The following CNTN6 variants were observed in gnomAD, a reference collection of about 807,000 sequenced individuals.
The protein encoded by CNTN6 is contactin 6, also known as contactin-6.
In CNTN6, 137 loss-of-function variants were observed where a neutral mutation model predicts 122.8. That is an observed-to-expected ratio of 1.12 (90% CI 0.97 to 1.29). The LOEUF (loss-of-function observed/expected upper bound fraction) is 1.29. Among genes scored for constraint, CNTN6 ranks in the 50% most tolerant of loss-of-function variants. The pLI is 0.00. For synonymous variants in CNTN6, 570 were observed against 426.0 expected, an observed-to-expected ratio of 1.34 and a Z score of -4.16; for missense variants, 1,634 against 1,223.4, an observed-to-expected ratio of 1.34 and a Z score of -5.01.
chr3:1,378,613 A>T (rs995007392), intron 17 of CNTN6, among the ~76,000 whole-genome samples: 3 of 152,032 alleles, frequency 2.0e-5, no homozygotes, highest in Non-Finnish European at 4.4e-5. Flanking sequence ...AGAGGGGGAA[A>T]CCCTATTTTT....
At chr3:1,183,912 C>A (rs1445196365) in intron 2 of CNTN6, among the ~76,000 whole-genome samples, 3 of 152,162 alleles carry the variant, frequency 2.0e-5, no homozygotes, top group Non-Finnish European at 4.4e-5. Context: ...TGCTTTCAAA[C>A]TCATTTGGTT....
intron 2 of CNTN6, among the ~76,000 whole-genome samples, chr3:1,176,344 G>A (rs1396708813): frequency 6.6e-6 from 1 of 152,182 alleles, no homozygotes; most frequent in Non-Finnish European, 1.5e-5. Context: ...TTGAACCTGG[G>A]ATGCAGAAGT....
intron 20 of CNTN6, among the ~76,000 whole-genome samples, chr3:1,387,702 A>C (rs535654350): frequency 4.3e-4 from 65 of 152,256 alleles, no homozygotes; most frequent in Non-Finnish European, 7.9e-4. Flanking sequence ...TCAGTGGGTG[A>C]GCGCACCGTG....
intron 12 of CNTN6, among the ~76,000 whole-genome samples, chr3:1,358,228 A>G (rs553712699): frequency 1.1e-4 from 16 of 152,110 alleles, no homozygotes; most frequent in African/African-American, 3.9e-4. Flanking sequence ...ATGCATATAT[A>G]CATGTATGTA....
intron 15 of CNTN6, 48 bp downstream of exon 15, chr3:1,373,810 C>G (rs111967001): frequency 2.0e-6 from 3 of 1,509,334 alleles, no homozygotes; most frequent in Admixed American, 2.2e-5. Flanking sequence ...ATATTTTAGT[C>G]CAATAATTTT....
chr3:1,151,676 C>G (rs947815214), intron 2 of CNTN6, among the ~76,000 whole-genome samples: 1 of 152,194 alleles, frequency 6.6e-6, no homozygotes, highest in Non-Finnish European at 1.5e-5. Context: ...TCCATAGTCC[C>G]TGCCCTCTTC....
At chr3:1,343,138 A>G (rs968220313) in intron 11 of CNTN6, among the ~76,000 whole-genome samples, 3 of 152,162 alleles carry the variant, frequency 2.0e-5, no homozygotes, top group East Asian at 1.9e-4. Context: ...TCTTAGTAAC[A>G]TGATATCTTC....
chr3:1,126,219 A>G (rs1217280295), intron 1 of CNTN6, among the ~76,000 whole-genome samples: 1 of 152,046 alleles, frequency 6.6e-6, no homozygotes, highest in East Asian at 1.9e-4. Context: ...TGGAAAATGG[A>G]AAGGTATACC....
chr3:1,162,412 C>A (rs867211465), intron 2 of CNTN6, among the ~76,000 whole-genome samples: 24 of 151,840 alleles, frequency 1.6e-4, no homozygotes, highest in African/African-American at 3.1e-4. Flanking sequence ...GGAAAAAAAA[C>A]CCCTTCTTCT....
Position 1,372,907 on chromosome 3 carries a change from C to A in CNTN6, c.1738C>A (p.Gln580Lys). 1 of 1,609,314 alleles carries A rather than the reference C, an allele frequency of 6.2e-7. No individual in the cohort carries two copies. The highest frequency in any genetic ancestry group is 8.5e-7 in the Non-Finnish European group (1 of 1,177,108). ...HHSGKYLCTVQTTLESLSAVA... is the reference protein window; with the variant it reads ...HHSGKYLCTVKTTLESLSAVA... Reference sequence around the variant, plus strand: ...TTCAGGAAAATATCTCTGCACAGTACAAACAACCCTAGAAAGTTTATCTGC... The same window carrying A: ...TTCAGGAAAATATCTCTGCACAGTAAAAACAACCCTAGAAAGTTTATCTGC... Residue 580 changes from glutamine (Q) to lysine (K), a missense_variant, in exon 14 of 23, where the codon CAA becomes AAA. Coordinates refer to ENST00000446702, the MANE Select transcript of CNTN6 (RefSeq NM_001289080.2).
intron 2 of CNTN6, among the ~76,000 whole-genome samples, chr3:1,156,047 TCTAC>T (rs958714546): frequency 2.0e-5 from 3 of 152,232 alleles, no homozygotes; most frequent in African/African-American, 2.4e-5. Flanking sequence ...TTAATTCAAT[TCTAC>T]CTGTGTCATG....
At chr3:1,267,746 T>C (rs77474288) in intron 4 of CNTN6, among the ~76,000 whole-genome samples, 6,901 of 152,280 alleles carry the variant, frequency 0.045, 197 homozygotes, top group East Asian at 0.074. Context: ...GAAAGTGAGT[T>C]GTTTTTTGGC....
intron 2 of CNTN6, among the ~76,000 whole-genome samples, chr3:1,159,077 A>T (rs1264822677): frequency 6.6e-6 from 1 of 151,016 alleles, no homozygotes; most frequent in East Asian, 2.0e-4. Context: ...GAAACAGTTA[A>T]CCTTTAAAAT....
At chr3:1,267,161 G>T (rs559119451) in intron 4 of CNTN6, among the ~76,000 whole-genome samples, 6 of 152,018 alleles carry the variant, frequency 3.9e-5, no homozygotes, top group Middle Eastern at 3.4e-3. Flanking sequence ...ACTTCCCCCA[G>T]TGACAGGGCA....
intron 4 of CNTN6, among the ~76,000 whole-genome samples, chr3:1,248,525 G>A (rs748766894): frequency 4.6e-5 from 7 of 152,032 alleles, no homozygotes; most frequent in Non-Finnish European, 7.4e-5. Context: ...GTGAAGTAAT[G>A]TGCCCAAGGA....
chr3:1,377,219 AT>A, intron 17 of CNTN6, 144 bp downstream of exon 17: 1 of 533,522 alleles, frequency 1.9e-6, no homozygotes, highest in Non-Finnish European at 3.2e-6. Context: ...ATGATGAATT[AT>A]TTAGAGGAGG....
chr3:1,383,482 T>C, intron 19 of CNTN6, 74 bp downstream of exon 19: 1 of 1,062,930 alleles, frequency 9.4e-7, no homozygotes, highest in Non-Finnish European at 1.5e-6. Context: ...TCAACAGTCC[T>C]ATCCTACTAG....
At chr3:1,097,895 A>T (rs181798269) in intron 1 of CNTN6, among the ~76,000 whole-genome samples, 1 of 152,170 alleles carries the variant, frequency 6.6e-6, no homozygotes, top group East Asian at 1.9e-4. Flanking sequence ...TATAATTATC[A>T]TCTAATCAAT....
At chr3:1,141,959 T>A (rs2092617808) in intron 1 of CNTN6, among the ~76,000 whole-genome samples, 1 of 152,086 alleles carries the variant, frequency 6.6e-6, no homozygotes, top group African/African-American at 2.4e-5. Context: ...GTTGGAAAAC[T>A]CCTCTGTAAA....
Sources: gnomAD v4.1 joint callset for allele counts (sites outside exome capture counted in the v4.1 genomes callset) on GRCh38, gnomAD v4.1.1 for gene constraint, MANE v1.5 for transcripts, NCBI Gene and HGNC (gene_info 2026-07-23, HGNC 2026-07-21) for gene names.